PDCD11: variants seen among roughly 807,000 people sequenced by gnomAD.
PDCD11 encodes the protein programmed cell death 11.
In PDCD11, 97 loss-of-function variants were observed where a neutral mutation model predicts 198.9. The observed-to-expected ratio is 0.49, with a 90% CI of 0.41 to 0.58. The LOEUF (loss-of-function observed/expected upper bound fraction) is 0.58. Among genes scored for constraint, PDCD11 ranks in the 20% least tolerant of loss-of-function variants. The pLI, the probability that PDCD11 is intolerant of heterozygous loss-of-function variation, is 0.00. For synonymous variants in PDCD11, 893 were observed against 918.0 expected (o/e 0.97, Z 0.49); for missense variants, 2,102 against 2,312.7 (o/e 0.91, Z 1.87).
Position 103,425,252 on chromosome 10 carries a change from A to G in PDCD11, c.3032A>G (p.Glu1011Gly). 6.2e-7 allele frequency: 1 copy of G among 1,614,146 alleles called. No homozygotes were observed. Among genetic ancestry groups the G allele is most frequent in the Non-Finnish European group, 8.5e-7 (1 of 1,180,024 alleles). Residue 1011 changes from glutamate (E) to glycine (G), a missense_variant, in exon 20 of 36, where the codon GAG (glutamate) becomes GGG (glycine). By Grantham distance (98) the Glu-to-Gly change is moderately conservative. Coordinates refer to ENST00000369797, the MANE Select transcript of PDCD11 (RefSeq NM_014976.2). The part of the protein sequence containing the change: ...RTMRPTQKDS[E>G]TVDEDEEVDP... The stretch of plus-strand genomic sequence containing the variant: ...ATGAGGCCGACCCAGAAGGACTCTG[A>G]GACAGTTGATGAGGATGAAGAAGTG...
intron 4 of PDCD11, among the ~76,000 whole-genome samples, chr10:103,404,814 G>T (rs1474165107): frequency 1.3e-5 from 2 of 152,210 alleles, no homozygotes; most frequent in Admixed American, 6.5e-5. Flanking sequence ...TGCCAGTTAT[G>T]TGGAAATATT....
At chr10:103,443,075 G>A in intron 32 of PDCD11, 90 bp from the exon 33 acceptor site, 1 of 1,160,964 alleles carries the variant, frequency 8.6e-7, no homozygotes, top group Non-Finnish European at 1.2e-6. Context: ...TAGAGGCTGG[G>A]AGGGGGAGGT....
intron 3 of PDCD11, among the ~76,000 whole-genome samples, 163 bp from the exon 4 acceptor site, chr10:103,402,955 A>G (rs1379205132): frequency 6.6e-6 from 1 of 152,182 alleles, no homozygotes; most frequent in Non-Finnish European, 1.5e-5. Context: ...TCCTGAGCCC[A>G]GGCAGTCCTC....
intron 2 of PDCD11, among the ~76,000 whole-genome samples, chr10:103,398,996 A>G (rs562723900): frequency 6.6e-6 from 1 of 152,316 alleles, no homozygotes; most frequent in African/African-American, 2.4e-5. Context: ...CCTGGGCGAC[A>G]GAGTGAGACT....
In PDCD11 at chr10:103,405,057, A is replaced by G; in HGVS notation, c.438A>G (p.Gly146=). Residue 146 remains glycine (G), a synonymous_variant, in exon 5 of 36, where the codon GGA becomes GGG. Transcript: ENST00000369797. ...LLHLPELFSP[G]MLVRCVVSSL... ...ACTTGCCTGAACTTTTCTCACCTGG[A>G]ATGCTGGTAAGATGTGTGGTGAGCA... 6.2e-7 allele frequency: 1 copy of G among 1,614,098 alleles called. No individual in the cohort carries two copies. The highest frequency in any genetic ancestry group is 8.5e-7 in the Non-Finnish European group (1 of 1,179,964).
chr10:103,441,933 G>C lies in PDCD11; in HGVS notation c.4665G>C (p.Glu1555Asp), dbSNP rs373382311. The change falls in exon 31 of 36, where the codon GAG (glutamate) becomes GAC (aspartate). Residue 1555 changes from glutamate (E) to aspartate (D), a missense_variant. Coordinates refer to ENST00000369797, the MANE Select transcript of PDCD11 (RefSeq NM_014976.2). ...SLTPALPPLA[E>D]SSDSEEDEKP... is the part of the protein sequence containing the mutation. ...CCCCGGCCTTGCCACCTCTAGCAGA[G>C]AGCTCAGACAGCGAGGAGGATGAGA... 102 of 1,614,156 alleles carry C rather than the reference G, an allele frequency of 6.3e-5. No individual in the cohort carries two copies. Among genetic ancestry groups the C allele is most frequent in the Non-Finnish European group, 8.6e-5 (101 of 1,180,058 alleles).
Position 103,425,242 on chromosome 10 carries a change from A to G in PDCD11, c.3022A>G (p.Lys1008Glu), listed in dbSNP as rs1316595566. The G allele has an allele frequency of 6.2e-7, 1 of 1,614,004 alleles. No homozygotes were observed. Among genetic ancestry groups the G allele is most frequent in the Non-Finnish European group, 8.5e-7 (1 of 1,180,024 alleles). Residue 1008 changes from lysine (K) to glutamate (E), a missense_variant, in exon 20 of 36, where the codon AAG (lysine) becomes GAG (glutamate). By Grantham distance (56) the Lys-to-Glu change is moderately conservative. Transcript: ENST00000369797. The stretch of plus-strand genomic sequence containing the variant: ...CAAGAGGACCATGAGGCCGACCCAG[A>G]AGGACTCTGAGACAGTTGATGAGGA... ...AAKRTMRPTQ[K>E]DSETVDEDEE...
At chr10:103,422,673 T>G (rs775373164) in intron 17 of PDCD11, among the ~76,000 whole-genome samples, 28 of 152,036 alleles carry the variant, frequency 1.8e-4, no homozygotes, top group Non-Finnish European at 1.3e-4. Flanking sequence ...TGTTGTAACT[T>G]TAATGGAATT....
At chr10:103,441,797 C>G (rs1231169339) in intron 30 of PDCD11, 29 bp from the exon 31 acceptor site, 1 of 1,606,286 alleles carries the variant, frequency 6.2e-7, no homozygotes. Context: ...GAGCCAGGTG[C>G]TTTCTTTAGC....
At chr10:103,413,388 C>A in intron 9 of PDCD11, 66 bp downstream of exon 9, 1 of 1,294,810 alleles carries the variant, frequency 7.7e-7, no homozygotes, top group Non-Finnish European at 1.1e-6. Context: ...CACAGGGGGC[C>A]ATTTCTGCTT....
In PDCD11 at chr10:103,401,367, G is replaced by T. The variant is rs186396375; in HGVS notation, c.234+839G>T. Among the ~76,000 whole-genome samples the T allele has an allele frequency of 7.5e-3, 1,136 of 152,096 alleles. 20 individuals carry two copies. Among genetic ancestry groups the T allele is most frequent in the South Asian group, 0.074 (357 of 4,828 alleles). Reference sequence around the variant, plus strand: ...AGCTCACTGCAACCTCTGCCTCCCGGGTTCAAGCGATTCTCCTGCCTCAGC... The same window carrying T: ...AGCTCACTGCAACCTCTGCCTCCCGTGTTCAAGCGATTCTCCTGCCTCAGC... On this transcript the variant is annotated intron_variant, in intron 3 of 35. Coordinates refer to ENST00000369797, the MANE Select transcript of PDCD11 (RefSeq NM_014976.2).
intron 14 of PDCD11, 46 bp downstream of exon 14, chr10:103,417,978 A>T: frequency 6.2e-7 from 1 of 1,602,860 alleles, no homozygotes; most frequent in South Asian, 1.1e-5. Flanking sequence ...ACAGTGGCAG[A>T]GAGCAGGGAA....
Position 103,440,281 on chromosome 10 carries a change from C to G in PDCD11, c.4149-9C>G. On this transcript the variant is annotated splice_polypyrimidine_tract_variant and intron_variant, in intron 28 of 35. Coordinates refer to ENST00000369797, the MANE Select transcript of PDCD11 (RefSeq NM_014976.2). ...GATGTCTTTACCTCCCCATCTTGCT[C>G]TGTCATAGCCTTAACCACCAGAAGA... is the stretch of plus-strand genomic sequence containing the variant. The G allele has an allele frequency of 6.2e-7, 1 of 1,601,416 alleles. No homozygotes were observed. The highest frequency in any genetic ancestry group is 1.1e-5 in the South Asian group (1 of 89,094).
At chr10:103,419,792 T>C in intron 16 of PDCD11, 84 bp downstream of exon 16, 1 of 1,241,082 alleles carries the variant, frequency 8.1e-7, no homozygotes, top group Non-Finnish European at 1.1e-6. Flanking sequence ...AGTAGGATAC[T>C]TTATTCCTTT....
Position 103,443,437 on chromosome 10 carries a change from C to A in PDCD11, c.5124+104C>A, listed in dbSNP as rs759062536. ...CCAGTCCTGCTGTGAGCTTGCCACC[C>A]AACATCGGGGCCCCAACTTCCCTAT... On this transcript the variant is annotated intron_variant, in intron 33 of 35. Transcript: ENST00000369797. 7 of 1,036,314 alleles carry A rather than the reference C, an allele frequency of 6.8e-6. No individual in the cohort carries two copies. In the Admixed American group the frequency reaches 1.5e-4, roughly 23 times the overall value. The allele number at this position is 1,036,314 out of a possible 1,614,324, so 64.2% of individuals were successfully genotyped here. A position where few individuals can be genotyped will look rare whatever the true frequency, so the allele number is the denominator to read the frequency against.
At chr10:103,400,335 G>A in intron 2 of PDCD11, 62 bp from the exon 3 acceptor site, 6 of 1,544,436 alleles carry the variant, frequency 3.9e-6, no homozygotes, top group Non-Finnish European at 5.3e-6. Flanking sequence ...GAAATAGGAG[G>A]GAAAACTCAG....
rs1564778190 is a variant in PDCD11, at chr10:103,440,396, G to A, written c.4255G>A (p.Glu1419Lys). ...GGAAGGGCAACTTACAAAGCAAGAG[G>A]AGAGGAAAACAGAGGCTGAGGAGAG... ...SLEGQLTKQE[E>K]RKTEAEERDQ... Residue 1419 changes from glutamate (E) to lysine (K), a missense_variant, in exon 29 of 36, where the codon GAG becomes AAG. Coordinates refer to ENST00000369797, the MANE Select transcript of PDCD11 (RefSeq NM_014976.2). 5.0e-6 allele frequency: 8 copies of A among 1,614,222 alleles called. No individual in the cohort carries two copies. The South Asian group carries it at 5.5e-5, about 11-fold the overall frequency.
rs773324321 is a variant in PDCD11, at chr10:103,439,783, C to T, written c.4063C>T (p.His1355Tyr). ...CGTTGTGGGTTTGGCTCGGTACTCC[C>T]ATGTCTCCCAGCACAGCCCGTCCAA... The part of the protein sequence containing the change: ...PSVVGLARYS[H>Y]VSQHSPSKKA... Residue 1355 changes from histidine to tyrosine, a missense_variant, in exon 28 of 36, where the codon CAT (histidine) becomes TAT (tyrosine). His to Tyr is a moderately conservative substitution (Grantham distance 83, BLOSUM62 2). Coordinates refer to ENST00000369797, the MANE Select transcript of PDCD11 (RefSeq NM_014976.2). 2 of 1,614,164 alleles carry T rather than the reference C, an allele frequency of 1.2e-6. No homozygotes were observed. The highest frequency in any genetic ancestry group is 1.7e-6 in the Non-Finnish European group (2 of 1,180,024).
intron 1 of PDCD11, among the ~76,000 whole-genome samples, chr10:103,397,159 C>T (rs1486559045): frequency 8.6e-5 from 13 of 151,248 alleles, no homozygotes; most frequent in African/African-American, 2.9e-4. Flanking sequence ...TCTGTTTTCA[C>T]TTATACCCAG....
Sources: allele counts gnomAD v4.1 joint callset (sites outside exome capture counted in the v4.1 genomes callset), GRCh38; gene constraint gnomAD v4.1.1; transcripts MANE v1.5; gene names NCBI Gene and HGNC (gene_info 2026-07-23, HGNC 2026-07-21).